Variants in ANO3 observed in about 807,000 individuals in gnomAD.
ANO3 encodes the protein anoctamin-3.
Under a neutral mutation model 144.8 loss-of-function variants are expected in ANO3, and 99 were observed. The ratio of observed to expected loss-of-function variants is 0.68; its 90% CI spans 0.58 to 0.81. The LOEUF is 0.81. ANO3 is among the 30% of genes least tolerant of loss of function. The pLI is 0.00. For synonymous variants in ANO3, 414 were observed against 392.6 expected, an observed-to-expected ratio of 1.05 and a Z score of -0.64; for missense variants, 905 against 1,202.2, an observed-to-expected ratio of 0.75 and a Z score of 3.66.
chr11:26,191,361 C>T (rs1201002330), intron 1 of ANO3, among the ~76,000 whole-genome samples: 7 of 150,822 alleles, frequency 4.6e-5, no homozygotes, highest in Admixed American at 3.3e-4. Flanking sequence ...CACACACACA[C>T]ATATATATAT....
At chr11:26,246,682 T>G (rs138079928) in intron 1 of ANO3, among the ~76,000 whole-genome samples, 66 of 143,134 alleles carry the variant, frequency 4.6e-4, no homozygotes, top group Admixed American at 4.4e-3. Flanking sequence ...CATCTTCAGT[T>G]GTAGCTCCCA....
intron 1 of ANO3, among the ~76,000 whole-genome samples, chr11:26,420,157 C>G (rs910159495): frequency 6.6e-6 from 1 of 151,894 alleles, no homozygotes; most frequent in Non-Finnish European, 1.5e-5. Context: ...TATTGTTGAC[C>G]TTTGTGTCCT....
At chr11:26,443,912 G>T in intron 3 of ANO3, 76 bp downstream of exon 3, 3 of 993,734 alleles carry the variant, frequency 3.0e-6, no homozygotes, top group Middle Eastern at 2.1e-4. Flanking sequence ...AAAAAAACTA[G>T]CATTTTTTTT....
chr11:26,312,407 G>C (rs1025586875), intron 1 of ANO3, among the ~76,000 whole-genome samples: 7 of 152,212 alleles, frequency 4.6e-5, no homozygotes, highest in Non-Finnish European at 8.8e-5. Context: ...CTGGATCCTT[G>C]AGGAATTGCC....
chr11:26,212,611 A>G (rs1851957183), intron 1 of ANO3, among the ~76,000 whole-genome samples: 1 of 152,122 alleles, frequency 6.6e-6, no homozygotes, highest in Non-Finnish European at 1.5e-5. Context: ...GAATAGATCA[A>G]TAACAAATTC....
upstream of ANO3, among the ~76,000 whole-genome samples, chr11:26,306,249 T>C (rs1290614966): frequency 6.6e-6 from 1 of 151,600 alleles, no homozygotes; most frequent in African/African-American, 2.4e-5. Context: ...GCTGGGATTA[T>C]AGGCGTGAGC....
chr11:26,445,750 A>G (rs556730584), intron 3 of ANO3, among the ~76,000 whole-genome samples: 14 of 152,132 alleles, frequency 9.2e-5, no homozygotes, highest in Admixed American at 2.0e-4. Context: ...CAGGAATCCA[A>G]CTGGATGTAA....
At chr11:26,481,458 G>A (rs547030556) in intron 4 of ANO3, among the ~76,000 whole-genome samples, 1 of 152,292 alleles carries the variant, frequency 6.6e-6, no homozygotes, top group Admixed American at 6.5e-5. Flanking sequence ...CCACAGGTGG[G>A]ATTTTTGGGA....
intron 1 of ANO3, among the ~76,000 whole-genome samples, chr11:26,192,474 C>T (rs1851496420): frequency 6.6e-6 from 1 of 152,000 alleles, no homozygotes; most frequent in Non-Finnish European, 1.5e-5. Context: ...AAGGTTAGTC[C>T]ATAGAAATTT....
intron 1 of ANO3, among the ~76,000 whole-genome samples, chr11:26,243,406 C>T (rs533642272): frequency 2.7e-5 from 4 of 150,714 alleles, no homozygotes; most frequent in African/African-American, 7.3e-5. Flanking sequence ...GATGTGTATA[C>T]GTAAGCCCTC....
chr11:26,207,531 T>C (rs553426073), intron 1 of ANO3, among the ~76,000 whole-genome samples: 1 of 152,296 alleles, frequency 6.6e-6, no homozygotes, highest in East Asian at 1.9e-4. Context: ...ACTCATTAAG[T>C]ACTTATTCAG....
chr11:26,281,032 CAGATG>C (rs1853666948), intron 1 of ANO3, among the ~76,000 whole-genome samples: 4 of 152,166 alleles, frequency 2.6e-5, no homozygotes, highest in African/African-American at 9.7e-5. Context: ...CATTGGCACA[CAGATG>C]TGCCAATACT....
intron 1 of ANO3, among the ~76,000 whole-genome samples, chr11:26,289,190 C>CA (rs921042658): frequency 1.4e-4 from 21 of 149,018 alleles, no homozygotes; most frequent in East Asian, 3.9e-4. Context: ...TAATGACAGG[C>CA]AAAAAAAAAG....
intron 3 of ANO3, among the ~76,000 whole-genome samples, chr11:26,451,846 C>G (rs1858953764): frequency 6.6e-6 from 1 of 152,206 alleles, no homozygotes; most frequent in Non-Finnish European, 1.5e-5. Flanking sequence ...CTAGTAGGGG[C>G]AGACTGACAC....
intron 6 of ANO3, among the ~76,000 whole-genome samples, chr11:26,521,107 C>A (rs1179760811): frequency 2.0e-5 from 3 of 152,050 alleles, no homozygotes; most frequent in Non-Finnish European, 4.4e-5. Context: ...TAGCAGCCAA[C>A]TCATAATAAA....
chr11:26,243,168 T>C (rs1852698173), intron 1 of ANO3, among the ~76,000 whole-genome samples: 1 of 152,108 alleles, frequency 6.6e-6, no homozygotes, highest in African/African-American at 2.4e-5. Context: ...ATCTCTAAGC[T>C]AAAAAACAAT....
At chr11:26,557,286 C>G (rs553071353) in intron 13 of ANO3, among the ~76,000 whole-genome samples, 6 of 151,872 alleles carry the variant, frequency 4.0e-5, no homozygotes, top group East Asian at 3.9e-4. Flanking sequence ...ACAGTGAAAC[C>G]CTGTCTCTAC....
intron 1 of ANO3, among the ~76,000 whole-genome samples, chr11:26,206,801 T>A (rs1437725943): frequency 6.6e-6 from 1 of 152,192 alleles, no homozygotes; most frequent in African/African-American, 2.4e-5. Context: ...AGCATTTTAG[T>A]GTCACACTAC....
At chr11:26,321,663 T>G (rs147990134) in intron 1 of ANO3, among the ~76,000 whole-genome samples, 1 of 152,044 alleles carries the variant, frequency 6.6e-6, no homozygotes, top group Non-Finnish European at 1.5e-5. Flanking sequence ...GATGTAGTCA[T>G]CTTTTATCAG....
Sources: gnomAD v4.1 joint callset for allele counts (sites outside exome capture counted in the v4.1 genomes callset) on GRCh38, gnomAD v4.1.1 for gene constraint, MANE v1.5 for transcripts, NCBI Gene and HGNC (gene_info 2026-07-23, HGNC 2026-07-21) for gene names.